KCNA4: variants seen among roughly 807,000 people sequenced by gnomAD.
KCNA4 encodes the protein potassium voltage-gated channel subfamily A member 4.
KCNA4 carries 5 observed loss-of-function variants against 37.2 expected under a neutral mutation model. That is an observed-to-expected ratio of 0.13 (90% CI 0.07 to 0.28). KCNA4 has a LOEUF of 0.28. Ranked by LOEUF, KCNA4 falls within the 10% of genes least tolerant of loss-of-function variation. The pLI, the probability that KCNA4 is intolerant of heterozygous loss-of-function variation, is 1.00. For synonymous variants in KCNA4, 350 were observed against 311.8 expected (o/e 1.12, Z -1.29); for missense variants, 634 against 817.4 (o/e 0.78, Z 2.74).
rs755900034 is a variant in KCNA4 at position 30,012,109 on chromosome 11, T to C, written c.570A>G (p.Gln190=). 4.3e-6 allele frequency: 7 copies of C among 1,614,160 alleles called. No individual in the cohort carries two copies. The highest frequency in any genetic ancestry group is 2.2e-5 in the East Asian group (1 of 44,870). ...CTGGAAACTGGGCCAGAGTTTTCAT[T>C]TGGGTCTCAAAGCGTAGGCCTGACA... The part of the protein sequence containing the change: ...INVSGLRFET[Q]MKTLAQFPET... The change falls in exon 2 of 2, where the codon CAA becomes CAG. Residue 190 remains glutamine (Q), a synonymous_variant. Transcript: ENST00000328224.
rs200158908 is a variant in KCNA4 at position 30,011,419 on chromosome 11, G to A, written c.1260C>T (p.Gly420=). ...CCCCCTGTTGCTGGGCCAGGTCAGT[G>A]CCCAGTGTGATGAAGTAAGGCAAAA... ...VSILPYFITL[G]TDLAQQQGGG... is the part of the protein sequence containing the mutation. Residue 420 remains glycine (G), a synonymous_variant, in exon 2 of 2, where the codon GGC becomes GGT. Coordinates refer to ENST00000328224, the MANE Select transcript of KCNA4 (RefSeq NM_002233.4). The surrounding 1 kb of genome is among the most constrained non-coding windows in gnomAD (Gnocchi z 5.6). The A allele has an allele frequency of 6.2e-6, 10 of 1,614,140 alleles. No individual in the cohort carries two copies. The highest frequency in any genetic ancestry group is 2.7e-5 in the African/African-American group (2 of 75,030).
Position 30,012,001 on chromosome 11 carries a change from G to A in KCNA4, c.678C>T (p.Pro226=). Residue 226 remains proline (P), a synonymous_variant, in exon 2 of 2, where the codon CCC becomes CCT. Coordinates refer to ENST00000328224, the MANE Select transcript of KCNA4 (RefSeq NM_002233.4). ...RNEYFFDRNR[P]SFDAILYYYQ... ...AATAATACAAGATGGCATCAAAGCTGGGGCGGTTCCTGTCAAAAAAATACT... is the reference window on the plus strand; with the variant it reads ...AATAATACAAGATGGCATCAAAGCTAGGGCGGTTCCTGTCAAAAAAATACT... 1 of 1,614,084 alleles carries A rather than the reference G, an allele frequency of 6.2e-7. No individual in the cohort carries two copies. The highest frequency in any genetic ancestry group is 8.5e-7 in the Non-Finnish European group (1 of 1,180,024).
Position 30,010,602 on chromosome 11 carries a change from A to T in KCNA4, c.*115T>A. 1.4e-6 allele frequency: 2 copies of T among 1,403,650 alleles called. No individual in the cohort carries two copies. Among genetic ancestry groups the T allele is most frequent in the South Asian group, 1.6e-5 (1 of 61,422 alleles). 86.9% of individuals were successfully genotyped at this position (1,403,650 alleles called of 1,614,324 possible). ...ATTATGCCATGTATAACCATTAAAT[A>T]GTGTACTACTGTATGCATTGGATCA... On this transcript the variant is annotated 3_prime_UTR_variant, in exon 2 of 2. Coordinates refer to ENST00000328224, the MANE Select transcript of KCNA4 (RefSeq NM_002233.4).
intron 1 of KCNA4, chr11:30,016,288 C>A (rs1850349733): frequency 6.6e-6 from 1 of 152,020 alleles, no homozygotes; most frequent in Admixed American, 6.6e-5. Flanking sequence ...CGCGCCCTCG[C>A]CTCCAGACCT....
At chr11:30,014,322 T>C (rs1474161089) in intron 1 of KCNA4, among the ~76,000 whole-genome samples, 1 of 152,168 alleles carries the variant, frequency 6.6e-6, no homozygotes, top group Non-Finnish European at 1.5e-5. Flanking sequence ...CCATTGTTTT[T>C]CTGTTCCCTT....
In KCNA4 at chr11:30,012,783, G is replaced by A; in HGVS notation, c.-105C>T. The stretch of plus-strand genomic sequence containing the variant: ...ATTAAGGTAAGTTTGGAACCCTTAA[G>A]CAGATTGCTTGGAAGACTAAGGATA... On this transcript the variant is annotated 5_prime_UTR_variant, in exon 2 of 2. Transcript: ENST00000328224. 6.8e-7 allele frequency: 1 copy of A among 1,467,556 alleles called. No homozygotes were observed. Among genetic ancestry groups the A allele is most frequent in the Non-Finnish European group, 9.1e-7 (1 of 1,101,846 alleles). 90.9% of individuals were successfully genotyped at this position (1,467,556 alleles called of 1,614,324 possible).
rs1450248819 is a variant in KCNA4 at position 30,011,200 on chromosome 11, A to G, written c.1479T>C (p.Ser493=). The change falls in exon 2 of 2, where the codon TCT becomes TCC. Residue 493 remains serine, a synonymous_variant. Transcript: ENST00000328224. This position sits in a 1 kb window ranked among gnomAD's most constrained non-coding sequence, Gnocchi z 5.6. ...FFLFIGVILF[S]SAVYFAEADE... Reference sequence around the variant, plus strand: ...CCGCCTCTGCAAAATACACAGCACTAGAAAAGAGGATGACCCCAATGAAGA... The same window carrying G: ...CCGCCTCTGCAAAATACACAGCACTGGAAAAGAGGATGACCCCAATGAAGA... 2 of 1,614,182 alleles carry G rather than the reference A, an allele frequency of 1.2e-6. No individual in the cohort carries two copies. The highest frequency in any genetic ancestry group is 1.7e-6 in the Non-Finnish European group (2 of 1,180,042).
rs763064929 is a variant in KCNA4 at position 30,012,706 on chromosome 11, C to A, written c.-28G>T. On this transcript the variant is annotated 5_prime_UTR_variant, in exon 2 of 2. Coordinates refer to ENST00000328224, the MANE Select transcript of KCNA4 (RefSeq NM_002233.4). Reference sequence around the variant, plus strand: ...TGGTGGTTTTCGGAAATGGCTGGTTCCAGTTGTAGAAGAAGAAGAAAGAAA... The same window carrying A: ...TGGTGGTTTTCGGAAATGGCTGGTTACAGTTGTAGAAGAAGAAGAAAGAAA... 1.3e-6 allele frequency: 2 copies of A among 1,513,982 alleles called. No individual in the cohort carries two copies. The highest frequency in any genetic ancestry group is 4.6e-5 in the Admixed American group (2 of 43,612). 93.8% of individuals were successfully genotyped at this position (1,513,982 alleles called of 1,614,324 possible). A position where few individuals can be genotyped will look rare whatever the true frequency, so the allele number is the denominator to read the frequency against.
chr11:30,014,218 A>T (rs1236951796), intron 1 of KCNA4, among the ~76,000 whole-genome samples: 2 of 152,176 alleles, frequency 1.3e-5, no homozygotes, highest in Admixed American at 1.3e-4. Context: ...AAACTAAAGT[A>T]GGGGAAGATG....
intron 1 of KCNA4, among the ~76,000 whole-genome samples, chr11:30,015,791 T>A (rs1459255164): frequency 6.6e-6 from 1 of 152,162 alleles, no homozygotes; most frequent in Non-Finnish European, 1.5e-5. Context: ...GGAGCCTTTA[T>A]GAGAGAGATC....
In KCNA4 at chr11:30,010,122, T is replaced by C. The variant is rs1268000489; in HGVS notation, c.*595A>G. The stretch of plus-strand genomic sequence containing the variant: ...AATTTCTAAAGGCCCTTGCAGCCTT[T>C]TTAAAAGTTAATTTCCAGTTAAAAA... On this transcript the variant is annotated 3_prime_UTR_variant, in exon 2 of 2. Transcript: ENST00000328224. 6.6e-6 allele frequency: 1 copy of C among 152,246 alleles called. No homozygotes were observed. Among genetic ancestry groups the C allele is most frequent in the African/African-American group, 2.4e-5 (1 of 41,462 alleles). The allele number at this position is 152,246 out of a possible 1,614,324, so 9.4% of individuals were successfully genotyped here.
rs1183984303 is a variant in KCNA4 at position 30,012,841 on chromosome 11, A to T, written c.-163T>A. 5.0e-6 allele frequency: 5 copies of T among 999,430 alleles called. No individual in the cohort carries two copies. In the East Asian group the frequency reaches 1.4e-4, roughly 28 times the overall value. 61.9% of individuals were successfully genotyped at this position (999,430 alleles called of 1,614,324 possible). On this transcript the variant is annotated 5_prime_UTR_variant, in exon 2 of 2. Coordinates refer to ENST00000328224, the MANE Select transcript of KCNA4 (RefSeq NM_002233.4). ...TCCAACTTTGCATTTTCTGTTTTTAAATCAGCACGCCCCATGCTCTCTCTT... is the reference window on the plus strand; with the variant it reads ...TCCAACTTTGCATTTTCTGTTTTTATATCAGCACGCCCCATGCTCTCTCTT...
rs948083026 is a variant in KCNA4, at chr11:30,011,011, C to T, written c.1668G>A (p.Val556=). 5.0e-6 allele frequency: 8 copies of T among 1,614,066 alleles called. No individual in the cohort carries two copies. The Admixed American group carries it at 8.3e-5, about 17-fold the overall frequency. ...AGTTAAAGTTAGAGACAATCACTGG[C>T]ACTGGCAAAGCAATGGTTAAGACAC... ...IAGVLTIALP[V]PVIVSNFNYF... Residue 556 remains valine, a synonymous_variant, in exon 2 of 2, where the codon GTG becomes GTA. Transcript: ENST00000328224. The surrounding 1 kb of genome is among the most constrained non-coding windows in gnomAD (Gnocchi z 5.6).
Position 30,011,455 on chromosome 11 carries a change from G to A in KCNA4, c.1224C>T (p.Asp408=), listed in dbSNP as rs1318126531. ...TGAAGTAAGGCAAAATGGAGACAAT[G>A]TCAATGATGTTCATGATGTTTTTGA... ...LFFKNIMNII[D]IVSILPYFIT... The change falls in exon 2 of 2, where the codon GAC becomes GAT. Residue 408 remains aspartate, a synonymous_variant. Transcript: ENST00000328224. This position sits in a 1 kb window ranked among gnomAD's most constrained non-coding sequence, Gnocchi z 5.6. The A allele has an allele frequency of 6.2e-7, 1 of 1,614,076 alleles. No individual in the cohort carries two copies. Among genetic ancestry groups the A allele is most frequent in the Non-Finnish European group, 8.5e-7 (1 of 1,180,042 alleles).
Position 30,011,884 on chromosome 11 carries a change from G to A in KCNA4, c.795C>T (p.Ala265=). Residue 265 remains alanine (A), a synonymous_variant, in exon 2 of 2, where the codon GCC becomes GCT. Transcript: ENST00000328224. This position sits in a 1 kb window ranked among gnomAD's most constrained non-coding sequence, Gnocchi z 5.6. ...EVKFYQLGEE[A]LLKFREDEGF... is the part of the protein sequence containing the mutation. ...CCTCGTCCTCCCGAAACTTCAACAG[G>A]GCCTCCTCCCCCAACTGATAGAACT... 1 of 1,613,890 alleles carries A rather than the reference G, an allele frequency of 6.2e-7. No individual in the cohort carries two copies. Among genetic ancestry groups the A allele is most frequent in the East Asian group, 2.2e-5 (1 of 44,864 alleles).
Position 30,012,472 on chromosome 11 carries a change from C to T in KCNA4, c.207G>A (p.Gly69=), listed in dbSNP as rs1176759580. The part of the protein sequence containing the change: ...GGSHHHHQSR[G]ACTSHDPQSS... ...TCTGAGGGTCATGGGAGGTACAGGC[C>T]CCGCGTGACTGGTGGTGGTGGTGGG... The change falls in exon 2 of 2, where the codon GGG becomes GGA. Residue 69 remains glycine, a synonymous_variant. Coordinates refer to ENST00000328224, the MANE Select transcript of KCNA4 (RefSeq NM_002233.4). 2 of 1,611,736 alleles carry T rather than the reference C, an allele frequency of 1.2e-6. No individual in the cohort carries two copies. The highest frequency in any genetic ancestry group is 1.7e-6 in the Non-Finnish European group (2 of 1,179,918).
intron 1 of KCNA4, among the ~76,000 whole-genome samples, chr11:30,014,072 T>C (rs553719902): frequency 1.2e-4 from 19 of 152,310 alleles, no homozygotes; most frequent in African/African-American, 4.6e-4. Context: ...AATGAGATAA[T>C]GGATGTTGAT....
chr11:30,016,762 C>T lies in KCNA4; in HGVS notation c.-973G>A. On this transcript the variant is annotated 5_prime_UTR_variant, in exon 1 of 2. Transcript: ENST00000328224. ...CACGGAACAAGTTCTGTTGCCTGGCCCGAGGGGTGCACAGAGTCCTCGCGG... is the reference window on the plus strand; with the variant it reads ...CACGGAACAAGTTCTGTTGCCTGGCTCGAGGGGTGCACAGAGTCCTCGCGG... 2.6e-6 allele frequency: 1 copy of T among 379,834 alleles called. No individual in the cohort carries two copies. Among genetic ancestry groups the T allele is most frequent in the East Asian group, 3.7e-5 (1 of 26,768 alleles). The allele number at this position is 379,834 out of a possible 1,614,324, so 23.5% of individuals were successfully genotyped here. A position where few individuals can be genotyped will look rare whatever the true frequency, so the allele number is the denominator to read the frequency against.
rs1037306133 is a variant in KCNA4 at position 30,016,914 on chromosome 11, A to C, written c.-1125T>G. 120 of 398,794 alleles carry C rather than the reference A, an allele frequency of 3.0e-4. No homozygotes were observed. The highest frequency in any genetic ancestry group is 4.8e-4 in the Non-Finnish European group (109 of 226,352). 24.7% of individuals were successfully genotyped at this position (398,794 alleles called of 1,614,324 possible). On this transcript the variant is annotated 5_prime_UTR_variant, in exon 1 of 2. Coordinates refer to ENST00000328224, the MANE Select transcript of KCNA4 (RefSeq NM_002233.4). ...CAAGGTTCCCCCGAAAAGAAACAAA[A>C]TCCTAGACAGCAGCGATCACTTGTT...
Sources: gnomAD v4.1 joint callset for allele counts (sites outside exome capture counted in the v4.1 genomes callset) on GRCh38, gnomAD v4.1.1 for gene constraint, Gnocchi (gnomAD v3.1) non-coding constraint, MANE v1.5 for transcripts, NCBI Gene and HGNC (gene_info 2026-07-23, HGNC 2026-07-21) for gene names.